Variants in OSBPL1A observed in about 807,000 individuals in gnomAD.
OSBPL1A encodes oxysterol binding protein like 1A, also known as oxysterol-binding protein-related protein 1.
OSBPL1A carries 80 observed loss-of-function variants against 137.1 expected under a neutral mutation model. The observed-to-expected ratio is 0.58, with a 90% CI of 0.49 to 0.70. OSBPL1A has a LOEUF of 0.70. OSBPL1A is among the 30% of genes least tolerant of loss of function. The pLI, the probability that OSBPL1A is intolerant of heterozygous loss-of-function variation, is 0.00. For synonymous variants in OSBPL1A, 365 were observed against 389.7 expected (o/e 0.94, Z 0.75); for missense variants, 970 against 1,129.4 (o/e 0.86, Z 2.02).
intron 1 of OSBPL1A, among the ~76,000 whole-genome samples, chr18:24,383,407 G>GA (rs1456862447): frequency 4.6e-5 from 7 of 152,054 alleles, no homozygotes; most frequent in Admixed American, 2.6e-4. Flanking sequence ...TGGGCTTACA[G>GA]AAAAAAAGAT....
chr18:24,327,096 GT>G (rs1434653293), intron 7 of OSBPL1A, among the ~76,000 whole-genome samples: 3 of 148,354 alleles, frequency 2.0e-5, no homozygotes, highest in Non-Finnish European at 3.0e-5. Flanking sequence ...TGCTCTTATG[GT>G]TTTTTTCTTT....
intron 4 of OSBPL1A, chr18:24,366,393 C>T (rs1274633095): frequency 1.3e-5 from 2 of 152,092 alleles, no homozygotes; most frequent in Non-Finnish European, 1.5e-5. Context: ...CTCTACCCTC[C>T]CTGGAGGTTG....
intron 4 of OSBPL1A, among the ~76,000 whole-genome samples, chr18:24,359,641 C>T (rs1186287493): frequency 1.3e-5 from 2 of 151,726 alleles, no homozygotes; most frequent in African/African-American, 4.8e-5. Flanking sequence ...GGCCCCACTG[C>T]ACTCCAGCAT....
In OSBPL1A at chr18:24,225,193, C is replaced by T. The variant is rs771273764; in HGVS notation, c.1450G>A (p.Glu484Lys). ...DEFYDALSDS[E>K]SERSLSRLEA... ...AATCTACTCAGGGACCTTTCGGACTCGGAATCTGTGGCAGAGCAGGTTCAT... is the reference window on the plus strand; with the variant it reads ...AATCTACTCAGGGACCTTTCGGACTTGGAATCTGTGGCAGAGCAGGTTCAT... Residue 484 changes from glutamate (E) to lysine (K), a missense_variant, in exon 17 of 28, where the codon GAG becomes AAG. Glu to Lys is a moderately conservative substitution (Grantham distance 56). Around this residue, in one of 2 missense-constraint regions of OSBPL1A, gnomAD observed 647 missense variants for 672.6 expected, o/e 0.96. Transcript: ENST00000319481. 20 of 1,614,002 alleles carry T rather than the reference C, an allele frequency of 1.2e-5. No individual in the cohort carries two copies. Among genetic ancestry groups the T allele is most frequent in the South Asian group, 6.6e-5 (6 of 91,056 alleles).
intron 12 of OSBPL1A, among the ~76,000 whole-genome samples, chr18:24,313,201 G>C (rs1399242289): frequency 6.6e-6 from 1 of 151,926 alleles, no homozygotes; most frequent in South Asian, 2.1e-4. Flanking sequence ...CCAACACTTT[G>C]GGAGGCTGAG....
At chr18:24,285,290 T>C (rs928010175) in intron 14 of OSBPL1A, among the ~76,000 whole-genome samples, 16 of 152,208 alleles carry the variant, frequency 1.1e-4, no homozygotes, top group African/African-American at 3.9e-4. Context: ...TAATAAAATA[T>C]CTTATTCCAC....
intron 27 of OSBPL1A, among the ~76,000 whole-genome samples, chr18:24,164,420 G>GGTTTTTTTTTTTTTTTT (rs199563115): frequency 2.1e-5 from 2 of 95,970 alleles, no homozygotes; most frequent in Non-Finnish European, 1.9e-5. Flanking sequence ...GAGATTTTTG[G>GGTTTTTTTTTTTTTTTT]TTTTTTTTTT....
chr18:24,315,948 A>G (rs963448749), intron 11 of OSBPL1A, among the ~76,000 whole-genome samples: 1 of 142,338 alleles, frequency 7.0e-6, no homozygotes, highest in Non-Finnish European at 1.5e-5. Flanking sequence ...TAATAATATT[A>G]AGAGTACCAT....
chr18:24,341,948 G>A (rs535102766), intron 4 of OSBPL1A, among the ~76,000 whole-genome samples: 2 of 152,152 alleles, frequency 1.3e-5, no homozygotes, highest in South Asian at 4.1e-4. Context: ...CAAATTAAAT[G>A]TATTAGTAAA....
At chr18:24,163,479 A>T (rs1262113074) in intron 27 of OSBPL1A, among the ~76,000 whole-genome samples, 198 bp from the exon 28 acceptor site, 3 of 152,216 alleles carry the variant, frequency 2.0e-5, no homozygotes, top group African/African-American at 7.2e-5. Flanking sequence ...AAAAGGGGTA[A>T]TGATACCATG....
intron 7 of OSBPL1A, among the ~76,000 whole-genome samples, chr18:24,322,797 G>T (rs2090889877): frequency 6.6e-6 from 1 of 151,704 alleles, no homozygotes; most frequent in Non-Finnish European, 1.5e-5. Context: ...AAAATGCCTG[G>T]CACACAGTAA....
rs2086055019 is a variant in OSBPL1A at position 24,162,984 on chromosome 18, T to C, written c.*195A>G. 2.3e-6 allele frequency: 1 copy of C among 443,874 alleles called. No homozygotes were observed. The highest frequency in any genetic ancestry group is 2.0e-5 in the African/African-American group (1 of 48,868). 27.5% of individuals were successfully genotyped at this position (443,874 alleles called of 1,614,324 possible). A position where few individuals can be genotyped will look rare whatever the true frequency, so the allele number is the denominator to read the frequency against. Reference sequence around the variant, plus strand: ...CAAATAAGTACATTTTATAGCAAAATTATGCATTTTTCCTAAGACTTTCAT... The same window carrying C: ...CAAATAAGTACATTTTATAGCAAAACTATGCATTTTTCCTAAGACTTTCAT... On this transcript the variant is annotated 3_prime_UTR_variant, in exon 28 of 28. Transcript: ENST00000319481.
At position 24,332,416 on chromosome 18, in the gene OSBPL1A, G is replaced by T. The variant is rs1248493240; in HGVS notation, c.625+526C>A. Among the ~76,000 whole-genome samples the T allele has an allele frequency of 6.3e-5, 5 of 79,890 alleles. No homozygotes were observed. The South Asian group carries it at 1.7e-3, about 27-fold the overall frequency. 52.4% of individuals were successfully genotyped at this position (79,890 alleles called of 152,430 possible). A position where few individuals can be genotyped will look rare whatever the true frequency, so the allele number is the denominator to read the frequency against. ...AAAAAAAAAAAAAAAAAAAAAAAAA[G>T]GCCCCTAGCATTGTGCTGAAGTGCT... On this transcript the variant is annotated intron_variant, in intron 7 of 27. Transcript: ENST00000319481.
chr18:24,181,410 G>A, intron 18 of OSBPL1A, 131 bp from the exon 19 acceptor site: 1 of 1,007,284 alleles, frequency 9.9e-7, no homozygotes, highest in Non-Finnish European at 1.4e-6. Flanking sequence ...CATCAATATT[G>A]GTTCAATTTC....
intron 4 of OSBPL1A, among the ~76,000 whole-genome samples, chr18:24,354,377 G>A (rs952595231): frequency 3.3e-5 from 5 of 152,132 alleles, no homozygotes; most frequent in Admixed American, 2.6e-4. Flanking sequence ...AGAACCCGCT[G>A]AGGCACACAA....
At position 24,171,495 on chromosome 18, in the gene OSBPL1A, A is replaced by C. The variant is rs2086285687; in HGVS notation, c.2205T>G (p.Thr735=). ...TAAAATTCAACACACATTTGTCCCC[A>C]GTCCTATAAAGAAAATACTAAGTTC... ...YGNVEIINHK[T]GDKCVLNFKP... is the part of the protein sequence containing the mutation. Residue 735 remains threonine, a synonymous_variant, in exon 23 of 28, where the codon ACT becomes ACG. Coordinates refer to ENST00000319481, the MANE Select transcript of OSBPL1A (RefSeq NM_080597.4). 1.2e-6 allele frequency: 2 copies of C among 1,608,624 alleles called. No homozygotes were observed. Among genetic ancestry groups the C allele is most frequent in the Non-Finnish European group, 1.7e-6 (2 of 1,176,842 alleles).
intron 7 of OSBPL1A, among the ~76,000 whole-genome samples, chr18:24,329,319 G>A (rs1251602034): frequency 6.6e-6 from 1 of 152,084 alleles, no homozygotes; most frequent in Non-Finnish European, 1.5e-5. Context: ...GGAGGCTGAG[G>A]CGGGCGGGTC....
chr18:24,204,777 C>T (rs1429040021), intron 17 of OSBPL1A, among the ~76,000 whole-genome samples: 2 of 152,078 alleles, frequency 1.3e-5, no homozygotes, highest in African/African-American at 2.4e-5. Context: ...TCTCCTAAGA[C>T]AGAGGAGCTC....
At chr18:24,217,406 C>T (rs1410444667) in intron 17 of OSBPL1A, among the ~76,000 whole-genome samples, 2 of 151,824 alleles carry the variant, frequency 1.3e-5, no homozygotes, top group Non-Finnish European at 2.9e-5. Flanking sequence ...TACAGGCACC[C>T]GCCACCACGC....
Sources: allele counts gnomAD v4.1 joint callset (sites outside exome capture counted in the v4.1 genomes callset), GRCh38; gene constraint gnomAD v4.1.1; regional missense constraint gnomAD v4.1.1; transcripts MANE v1.5; gene names NCBI Gene and HGNC (gene_info 2026-07-23, HGNC 2026-07-21).